Variants in EYS observed in about 807,000 individuals in gnomAD.
EYS encodes the protein EGF-like photoreceptor maintenance factor.
Under a neutral mutation model 282.1 loss-of-function variants are expected in EYS, and 250 were observed. The observed-to-expected ratio is 0.89, with a 90% CI of 0.80 to 0.98. The LOEUF is 0.98. Ranked by LOEUF, EYS falls within the 50% of genes least tolerant of loss-of-function variation. The probability of loss-of-function intolerance (pLI) is 0.00; values close to 1 mark genes in which losing one functional copy is unlikely to be tolerated. For missense variants in EYS, 4,016 were observed against 3,709.0 expected (o/e 1.08, Z -2.15); for synonymous variants, 1,355 against 1,282.9 (o/e 1.06, Z -1.20).
chr6:64,094,020 T>G (rs1037952919), intron 31 of EYS, among the ~76,000 whole-genome samples: 1 of 152,100 alleles, frequency 6.6e-6, no homozygotes, highest in African/African-American at 2.4e-5. Context: ...AATCATGTGG[T>G]TTTTGTCTTT....
chr6:63,753,310 T>G (rs2149649806), intron 41 of EYS, among the ~76,000 whole-genome samples: 1 of 151,954 alleles, frequency 6.6e-6, no homozygotes, highest in African/African-American at 2.4e-5. Flanking sequence ...ACAGAAGGTT[T>G]TGGCAGATTC....
rs545788303 is a variant in EYS at position 64,144,610 on chromosome 6, C to T, written c.6425-62608G>A. Among the ~76,000 whole-genome samples the T allele has an allele frequency of 5.9e-5, 9 of 152,226 alleles. No homozygotes were observed. The East Asian group carries it at 9.7e-4, about 16-fold the overall frequency. On this transcript the variant is annotated intron_variant, in intron 31 of 42. Transcript: ENST00000503581. ...CGTTCTCCTACATGGTGTGCTACCC[C>T]GTCAGCTCTGAAGCATGAAAGTGAA... is the stretch of plus-strand genomic sequence containing the variant.
At chr6:64,832,884 T>G (rs987128716) in intron 19 of EYS, among the ~76,000 whole-genome samples, 3 of 151,942 alleles carry the variant, frequency 2.0e-5, no homozygotes, top group Non-Finnish European at 4.4e-5. Context: ...GTTACTGCAA[T>G]CTAAGTATTT....
chr6:65,633,368 C>T (rs1766985119), intron 2 of EYS, among the ~76,000 whole-genome samples: 1 of 152,180 alleles, frequency 6.6e-6, no homozygotes, highest in African/African-American at 2.4e-5. Flanking sequence ...ATGTATTTTA[C>T]AGAATGCATT....
At chr6:64,298,901 C>A (rs1260315811) in intron 30 of EYS, among the ~76,000 whole-genome samples, 2 of 151,856 alleles carry the variant, frequency 1.3e-5, no homozygotes, top group Non-Finnish European at 2.9e-5. Context: ...TAATATCAGA[C>A]AAAATAGACT....
At chr6:64,165,961 T>C (rs1388940402) in intron 31 of EYS, among the ~76,000 whole-genome samples, 3 of 152,198 alleles carry the variant, frequency 2.0e-5, no homozygotes, top group Non-Finnish European at 4.4e-5. Flanking sequence ...ACTAAGATCT[T>C]TCCTCCTCCA....
intron 30 of EYS, among the ~76,000 whole-genome samples, chr6:64,304,711 CAG>C (rs1196052281): frequency 6.6e-6 from 1 of 152,036 alleles, no homozygotes; most frequent in Non-Finnish European, 1.5e-5. Flanking sequence ...AAATCAAAAA[CAG>C]AAGTAAAACC....
intron 19 of EYS, among the ~76,000 whole-genome samples, chr6:64,825,663 A>G (rs1217722538): frequency 6.6e-6 from 1 of 151,810 alleles, no homozygotes; most frequent in African/African-American, 2.4e-5. Flanking sequence ...TGCATAACTA[A>G]AAGAGTTGTC....
At chr6:65,132,989 AGG>A (rs1775924298) in intron 12 of EYS, among the ~76,000 whole-genome samples, 1 of 152,084 alleles carries the variant, frequency 6.6e-6, no homozygotes, top group Non-Finnish European at 1.5e-5. Context: ...TAAAGGACCT[AGG>A]AGTATAGCTA....
At chr6:64,045,962 A>G (rs1770606741) in intron 33 of EYS, among the ~76,000 whole-genome samples, 1 of 147,600 alleles carries the variant, frequency 6.8e-6, no homozygotes, top group Non-Finnish European at 1.5e-5. Flanking sequence ...TATATTTTAT[A>G]TATGTAATCT....
intron 29 of EYS, among the ~76,000 whole-genome samples, chr6:64,317,684 T>C (rs1466774239): frequency 1.3e-5 from 2 of 152,120 alleles, no homozygotes; most frequent in African/African-American, 2.4e-5. Flanking sequence ...ACTGGGTATG[T>C]AACCAAGGGA....
At position 64,436,180 on chromosome 6, in the gene EYS, A is replaced by C; in HGVS notation, c.5921T>G (p.Leu1974Arg). ...AAAGAAATAATTATCTTACCTGATA[A>C]GCAGTGTATACTTTTGCCCGTTGTC... Reference protein sequence around the residue: ...RVDNGQKYTLLIRQELDPCNA... With the variant: ...RVDNGQKYTLRIRQELDPCNA... Residue 1974 changes from leucine (L) to arginine (R), a missense_variant, in exon 28 of 43, where the codon CTT becomes CGT. By Grantham distance (102) the Leu-to-Arg change is moderately radical. Coordinates refer to ENST00000503581, the MANE Select transcript of EYS (RefSeq NM_001142800.2). 6.6e-7 allele frequency: 1 copy of C among 1,514,318 alleles called. No individual in the cohort carries two copies. The allele number at this position is 1,514,318 out of a possible 1,614,324, so 93.8% of individuals were successfully genotyped here.
At chr6:63,787,796 G>A (rs1770404512) in intron 39 of EYS, among the ~76,000 whole-genome samples, 1 of 152,038 alleles carries the variant, frequency 6.6e-6, no homozygotes, top group Non-Finnish European at 1.5e-5. Flanking sequence ...AAAATTAGCT[G>A]GGCGTGGTTG....
intron 26 of EYS, among the ~76,000 whole-genome samples, chr6:64,454,907 T>C (rs1775504694): frequency 6.6e-6 from 1 of 152,206 alleles, no homozygotes; most frequent in Non-Finnish European, 1.5e-5. Context: ...TCGTAATTTA[T>C]CTTCATAAAG....
intron 12 of EYS, 46 bp downstream of exon 12, chr6:65,295,817 C>T (rs2150286133): frequency 1.4e-6 from 2 of 1,400,266 alleles, no homozygotes; most frequent in Non-Finnish European, 1.9e-6. Context: ...ATATTAACAA[C>T]ATTATTTACT....
intron 28 of EYS, among the ~76,000 whole-genome samples, chr6:64,422,126 TAGA>T (rs1336398434): frequency 5.3e-5 from 8 of 151,890 alleles, no homozygotes; most frequent in African/African-American, 1.9e-4. Flanking sequence ...GACAGATAGA[TAGA>T]TCGATAGATT....
At chr6:65,314,564 G>T (rs1216293803) in intron 11 of EYS, among the ~76,000 whole-genome samples, 96 of 19,200 alleles carry the variant, frequency 5.0e-3, no homozygotes, top group Non-Finnish European at 8.4e-3. Context: ...CCCTTATGGT[G>T]TGTGTGTGTG....
intron 29 of EYS, among the ~76,000 whole-genome samples, chr6:64,319,840 T>C (rs1440027344): frequency 6.6e-6 from 1 of 151,910 alleles, no homozygotes; most frequent in African/African-American, 2.4e-5. Flanking sequence ...GCTGCTGTTG[T>C]GATGTATTCT....
chr6:64,191,705 C>T (rs1765117441), intron 31 of EYS, among the ~76,000 whole-genome samples: 2 of 152,044 alleles, frequency 1.3e-5, no homozygotes, highest in African/African-American at 4.8e-5. Context: ...ATATGTGCCA[C>T]ATTTTCTTAA....
Sources: allele counts gnomAD v4.1 joint callset (sites outside exome capture counted in the v4.1 genomes callset), GRCh38; gene constraint gnomAD v4.1.1; transcripts MANE v1.5; gene names NCBI Gene and HGNC (gene_info 2026-07-23, HGNC 2026-07-21).